The following CRHR2 variants were observed in gnomAD, a reference collection of about 807,000 sequenced individuals.
CRHR2 encodes the protein corticotropin releasing hormone receptor 2.
CRHR2 carries 53 observed loss-of-function variants against 57.9 expected under a neutral mutation model. That is an observed-to-expected ratio of 0.92 (90% CI 0.73 to 1.15). The LOEUF (loss-of-function observed/expected upper bound fraction) is 1.15, where lower values mean the gene tolerates loss of function less well. CRHR2 is among the 50% of genes most tolerant of loss of function. The pLI, the probability that CRHR2 is intolerant of heterozygous loss-of-function variation, is 0.00. For missense variants in CRHR2, 532 were observed against 542.6 expected (o/e 0.98, Z 0.19); for synonymous variants, 213 against 220.9 (o/e 0.96, Z 0.32).
In CRHR2 at chr7:30,655,661, C is replaced by T. The variant is rs368920464; in HGVS notation, c.972G>A (p.Met324Ile). 2 of 1,614,030 alleles carry T rather than the reference C, an allele frequency of 1.2e-6. No individual in the cohort carries two copies. The highest frequency in any genetic ancestry group is 1.7e-6 in the Non-Finnish European group (2 of 1,180,002). Residue 324 changes from methionine (M) to isoleucine (I), a missense_variant, in exon 10 of 12, where the codon ATG becomes ATA. Coordinates refer to ENST00000471646, the MANE Select transcript of CRHR2 (RefSeq NM_001883.5). ...CCTCCCCGGGATTGACGAAGAAGAG[C>T]ATGTAGGTGATGCCCAGGAGGGGCA... ...VLLPLLGITY[M>I]LFFVNPGEDD...
At position 30,682,178 on chromosome 7, in the gene CRHR2, C is replaced by A. The variant is rs752960862; in HGVS notation, c.103G>T (p.Gly35Cys). 6.4e-6 allele frequency: 10 copies of A among 1,572,508 alleles called. No individual in the cohort carries two copies. The highest frequency in any genetic ancestry group is 7.7e-6 in the Non-Finnish European group (9 of 1,168,718). Residue 35 changes from glycine to cysteine, a missense_variant and splice_region_variant, in exon 1 of 12, where the codon GGT (glycine) becomes TGT (cysteine). By Grantham distance (159) the Gly-to-Cys change is radical. Transcript: ENST00000471646. Reference protein sequence around the residue: ...DGWGPPLDPEGPYSYCNTTLD... With the variant: ...DGWGPPLDPECPYSYCNTTLD... ...CTCCGACCGCTCGCCTCCCGCCTAC[C>A]CTCGGGGTCCAGGGGTGGCCCCCAG... is the stretch of plus-strand genomic sequence containing the variant.
intron 1 of CRHR2, among the ~76,000 whole-genome samples, chr7:30,690,366 C>G (rs1216725686): frequency 6.6e-6 from 1 of 152,182 alleles, no homozygotes; most frequent in Non-Finnish European, 1.5e-5. Flanking sequence ...ACTCTAAATT[C>G]TAACGCTTGG....
Position 30,655,080 on chromosome 7 carries a change from C to T in CRHR2, c.1054G>A (p.Gly352Ser). The T allele has an allele frequency of 6.2e-7, 1 of 1,613,350 alleles. No individual in the cohort carries two copies. The highest frequency in any genetic ancestry group is 8.5e-7 in the Non-Finnish European group (1 of 1,179,604). The change falls in exon 11 of 12, where the codon GGT (glycine) becomes AGT (serine). Residue 352 changes from glycine (G) to serine (S), a missense_variant and splice_region_variant. Gly to Ser is a moderately conservative substitution (Grantham distance 56). Transcript: ENST00000471646. ...YFNSFLQSFQGFFVSVFYCFF... is the reference protein window; with the variant it reads ...YFNSFLQSFQSFFVSVFYCFF... ...CAGTAGAAGACAGACACGAAGAAAC[C>T]CTGGAAAGGAGGGAAAGGAGGGAGT...
chr7:30,663,409 T>A (rs913626853), intron 5 of CRHR2, among the ~76,000 whole-genome samples: 1 of 152,168 alleles, frequency 6.6e-6, no homozygotes, highest in Admixed American at 6.5e-5. Flanking sequence ...GGAGGGAGAC[T>A]TGCAAAGTAC....
At chr7:30,692,982 A>G (rs1453112752) in intron 1 of CRHR2, among the ~76,000 whole-genome samples, 1 of 152,076 alleles carries the variant, frequency 6.6e-6, no homozygotes, top group Non-Finnish European at 1.5e-5. Context: ...GGATGCTGAG[A>G]GGGCCCCAGC....
chr7:30,685,524 C>A (rs1207526978), upstream of CRHR2, among the ~76,000 whole-genome samples: 1 of 152,098 alleles, frequency 6.6e-6, no homozygotes, highest in Non-Finnish European at 1.5e-5. Flanking sequence ...TCCAGAGGGG[C>A]CTGAAGGTGC....
chr7:30,686,024 G>C (rs1584135382), upstream of CRHR2, among the ~76,000 whole-genome samples: 1 of 151,846 alleles, frequency 6.6e-6, no homozygotes, highest in Non-Finnish European at 1.5e-5. Context: ...ACCATCTTTG[G>C]TATTGCAAAG....
In CRHR2 at chr7:30,662,629, G is replaced by A. The variant is rs372852208; in HGVS notation, c.697+65C>T. ...AGGCTCTGGTCCTTGGACCCAAGAC[G>A]AAGGGAAATGGCCTGGTGAGAAGTC... is the stretch of plus-strand genomic sequence containing the variant. On this transcript the variant is annotated intron_variant, in intron 6 of 11. Transcript: ENST00000471646. 179 of 1,567,674 alleles carry A rather than the reference G, an allele frequency of 1.1e-4. No homozygotes were observed. The East Asian group carries it at 3.2e-3, about 28-fold the overall frequency.
chr7:30,662,128 A>T (rs759791354), intron 7 of CRHR2, 28 bp downstream of exon 7: 1 of 1,611,958 alleles, frequency 6.2e-7, no homozygotes, highest in Non-Finnish European at 8.5e-7. Context: ...CTTCCCCATG[A>T]CCCCCCATGG....
upstream of CRHR2, among the ~76,000 whole-genome samples, chr7:30,685,872 G>A (rs1784846174): frequency 6.6e-6 from 1 of 152,136 alleles, no homozygotes; most frequent in Non-Finnish European, 1.5e-5. Context: ...CTTCCTCATA[G>A]GAGTGCCGCC....
intron 2 of CRHR2, among the ~76,000 whole-genome samples, chr7:30,676,127 G>T (rs1037474654): frequency 2.0e-5 from 3 of 152,210 alleles, no homozygotes; most frequent in Non-Finnish European, 2.9e-5. Flanking sequence ...CTCCTGGCCA[G>T]TCATTTCCTA....
Position 30,655,928 on chromosome 7 carries a change from T to A in CRHR2, c.916A>T (p.Arg306Trp). ...ASTTSETIQYRKAVKATLVLL... is the reference protein window; with the variant it reads ...ASTTSETIQYWKAVKATLVLL... ...GGGTCAAGGGACCCCCTCACATACC[T>A]GTACTGGATTGTCTCGGATGTGGTG... The change falls in exon 9 of 12, where the codon AGG becomes TGG. Residue 306 changes from arginine to tryptophan, a missense_variant and splice_region_variant. Physicochemically the swap from Arg to Trp is moderately radical, Grantham distance 101 (BLOSUM62 -3). Coordinates refer to ENST00000471646, the MANE Select transcript of CRHR2 (RefSeq NM_001883.5). 6.2e-7 allele frequency: 1 copy of A among 1,613,832 alleles called. No homozygotes were observed. Among genetic ancestry groups the A allele is most frequent in the Non-Finnish European group, 8.5e-7 (1 of 1,179,886 alleles).
intron 2 of CRHR2, among the ~76,000 whole-genome samples, chr7:30,678,731 C>T (rs1784601131): frequency 6.6e-6 from 1 of 152,216 alleles, no homozygotes; most frequent in Non-Finnish European, 1.5e-5. Context: ...TCAACACATC[C>T]CCAACTGTGC....
chr7:30,695,909 G>C (rs975970470), intron 1 of CRHR2, among the ~76,000 whole-genome samples: 7 of 152,138 alleles, frequency 4.6e-5, no homozygotes, highest in African/African-American at 1.7e-4. Flanking sequence ...TTTAACTCAG[G>C]GCGTTGGTAT....
intron 2 of CRHR2, among the ~76,000 whole-genome samples, chr7:30,673,197 G>A (rs1359827449): frequency 6.6e-6 from 1 of 151,558 alleles, no homozygotes; most frequent in Non-Finnish European, 1.5e-5. Flanking sequence ...ATGACTTTGA[G>A]TCACCTTTCT....
intron 2 of CRHR2, among the ~76,000 whole-genome samples, chr7:30,669,025 A>G (rs1361743181): frequency 6.6e-6 from 1 of 152,234 alleles, no homozygotes; most frequent in Non-Finnish European, 1.5e-5. Context: ...GATGTCACTG[A>G]ACTAAAAAAG....
chr7:30,664,983 G>A (rs1784127127), intron 5 of CRHR2, 87 bp downstream of exon 5: 1 of 1,041,626 alleles, frequency 9.6e-7, no homozygotes, highest in East Asian at 2.4e-5. Flanking sequence ...ACAAAGGAGG[G>A]GTCCAAGCAG....
chr7:30,673,555 A>G (rs986105606), intron 2 of CRHR2, among the ~76,000 whole-genome samples: 1 of 151,970 alleles, frequency 6.6e-6, no homozygotes, highest in Non-Finnish European at 1.5e-5. Context: ...CTCTCAATCA[A>G]TGTCTCCTCC....
chr7:30,694,154 C>A (rs905520912), intron 1 of CRHR2, among the ~76,000 whole-genome samples: 2 of 152,218 alleles, frequency 1.3e-5, no homozygotes, highest in Non-Finnish European at 2.9e-5. Flanking sequence ...CCCCCTCAGC[C>A]AGGTAGAGCT....
Sources: gnomAD v4.1 joint callset for allele counts (sites outside exome capture counted in the v4.1 genomes callset) on GRCh38, gnomAD v4.1.1 for gene constraint, MANE v1.5 for transcripts, NCBI Gene and HGNC (gene_info 2026-07-23, HGNC 2026-07-21) for gene names.